GRIN2A: variants seen among roughly 807,000 people sequenced by gnomAD.
GRIN2A encodes glutamate receptor ionotropic, NMDA 2A.
Under a neutral mutation model 113.4 loss-of-function variants are expected in GRIN2A, and 22 were observed. That is an observed-to-expected ratio of 0.19 (90% CI 0.14 to 0.28). The LOEUF (loss-of-function observed/expected upper bound fraction) is 0.28. Ranked by LOEUF, GRIN2A falls within the 10% of genes least tolerant of loss-of-function variation. The probability of loss-of-function intolerance (pLI) is 1.00; values close to 1 mark genes in which losing one functional copy is unlikely to be tolerated. For synonymous variants in GRIN2A, 827 were observed against 738.4 expected (o/e 1.12, Z -1.94); for missense variants, 1,502 against 1,887.0 (o/e 0.80, Z 3.78).
intron 11 of GRIN2A, among the ~76,000 whole-genome samples, chr16:9,791,758 G>C (rs189933058): frequency 1.3e-5 from 2 of 151,792 alleles, no homozygotes; most frequent in Non-Finnish European, 2.9e-5. Context: ...GTCCCCTGCC[G>C]TCAAAAGCTA....
chr16:10,109,879 AC>A (rs539345482), intron 2 of GRIN2A, among the ~76,000 whole-genome samples: 265 of 147,990 alleles, frequency 1.8e-3, no homozygotes, highest in African/African-American at 6.1e-3. Flanking sequence ...CTATGTACCC[AC>A]AAAAAAAATA....
intron 2 of GRIN2A, among the ~76,000 whole-genome samples, chr16:10,148,344 C>T (rs1000974345): frequency 2.0e-5 from 3 of 152,138 alleles, no homozygotes; most frequent in Non-Finnish European, 4.4e-5. Flanking sequence ...AAAAGTATGA[C>T]CTAAGTTATC....
intron 10 of GRIN2A, among the ~76,000 whole-genome samples, chr16:9,804,618 C>G (rs1220436022): frequency 1.3e-5 from 2 of 152,000 alleles, no homozygotes; most frequent in African/African-American, 4.8e-5. Flanking sequence ...GTCCATGCCA[C>G]CTTTCTGCCT....
At chr16:9,804,734 G>C (rs1026046000) in intron 10 of GRIN2A, among the ~76,000 whole-genome samples, 6 of 152,086 alleles carry the variant, frequency 3.9e-5, no homozygotes, top group African/African-American at 1.4e-4. Context: ...AGCAGTGCTG[G>C]AGCTCAAAAG....
In GRIN2A at chr16:9,839,778, A is replaced by G. The variant is rs112960029; in HGVS notation, c.1651+869T>C. ...GTCAAGACCAGTATCTGAATATGTG[A>G]TCATATTTTTTTCAGCAGCTTTTTC... On this transcript the variant is annotated intron_variant, in intron 7 of 12. Coordinates refer to ENST00000330684, the MANE Select transcript of GRIN2A (RefSeq NM_001134407.3). 6.7e-3 allele frequency among the ~76,000 whole-genome samples: 1,020 copies of G among 152,312 alleles called. 12 individuals are homozygous for G. The highest frequency in any genetic ancestry group is 0.019 in the African/African-American group (789 of 41,570).
chr16:10,040,119 A>G (rs1177974203), intron 2 of GRIN2A, among the ~76,000 whole-genome samples: 2 of 114,636 alleles, frequency 1.7e-5, no homozygotes, highest in Non-Finnish European at 3.7e-5. Context: ...CACACCGCAC[A>G]CACTACACAC....
rs2141129394 is a variant in GRIN2A at position 9,763,734 on chromosome 16, G to C, written c.3810C>G (p.Asp1270Glu). ...PATGEQVYQQ[D>E]WAQNNALQLQ... ...ATTGAAGGGCATTGTTCTGTGCCCA[G>C]TCCTGCTGGTAGACCTGCTCCCCGG... Residue 1270 changes from aspartate (D) to glutamate (E), a missense_variant, in exon 13 of 13, where the codon GAC becomes GAG. Transcript: ENST00000330684. 1 of 1,614,144 alleles carries C rather than the reference G, an allele frequency of 6.2e-7. No individual in the cohort carries two copies. Among genetic ancestry groups the C allele is most frequent in the South Asian group, 1.1e-5 (1 of 91,082 alleles).
intron 11 of GRIN2A, among the ~76,000 whole-genome samples, chr16:9,779,686 T>A (rs1901826996): frequency 6.6e-6 from 1 of 152,030 alleles, no homozygotes; most frequent in African/African-American, 2.4e-5. Flanking sequence ...TAGAGGGTAA[T>A]AGGGTGGTGT....
At chr16:9,883,655 T>A (rs758021476) in intron 4 of GRIN2A, among the ~76,000 whole-genome samples, 5 of 152,130 alleles carry the variant, frequency 3.3e-5, no homozygotes, top group African/African-American at 9.7e-5. Flanking sequence ...AATAAACATA[T>A]CCGTGGGAGG....
chr16:9,896,132 C>G (rs11648462), intron 3 of GRIN2A, among the ~76,000 whole-genome samples: 39,629 of 151,790 alleles, frequency 0.26, 5,620 homozygotes, highest in African/African-American at 0.36. Flanking sequence ...TCACTGCAAC[C>G]TTCACCTCCC....
At chr16:9,896,427 T>C (rs936528685) in intron 3 of GRIN2A, among the ~76,000 whole-genome samples, 1 of 152,228 alleles carries the variant, frequency 6.6e-6, no homozygotes, top group Non-Finnish European at 1.5e-5. Flanking sequence ...AATCTCCTTC[T>C]TTAATTTCCC....
intron 4 of GRIN2A, among the ~76,000 whole-genome samples, chr16:9,857,518 A>C (rs1254120933): frequency 6.6e-6 from 1 of 152,222 alleles, no homozygotes; most frequent in African/African-American, 2.4e-5. Context: ...ATGTTCTCAG[A>C]CACAGAGTAG....
intron 11 of GRIN2A, among the ~76,000 whole-genome samples, chr16:9,779,295 A>G (rs1307090031): frequency 6.6e-6 from 1 of 152,242 alleles, no homozygotes; most frequent in Non-Finnish European, 1.5e-5. Flanking sequence ...TCAGTTCTAC[A>G]TGCCAAGAAA....
At chr16:9,911,563 G>A (rs548165004) in intron 3 of GRIN2A, among the ~76,000 whole-genome samples, 9 of 152,186 alleles carry the variant, frequency 5.9e-5, no homozygotes, top group East Asian at 3.9e-4. Flanking sequence ...AGAATTCATC[G>A]AGAGTCCTGA....
intron 2 of GRIN2A, among the ~76,000 whole-genome samples, chr16:10,067,851 T>C (rs967768919): frequency 3.3e-5 from 5 of 152,156 alleles, no homozygotes; most frequent in African/African-American, 7.2e-5. Flanking sequence ...GCAATGCGTA[T>C]TATATCCACC....
At chr16:10,152,050 G>A (rs1471868113) in intron 2 of GRIN2A, among the ~76,000 whole-genome samples, 2 of 152,182 alleles carry the variant, frequency 1.3e-5, no homozygotes, top group Admixed American at 6.5e-5. Context: ...CAGTGTGCCT[G>A]AAGGAGCCCA....
At chr16:9,800,785 G>A (rs1261824672) in intron 10 of GRIN2A, among the ~76,000 whole-genome samples, 1 of 152,106 alleles carries the variant, frequency 6.6e-6, no homozygotes, top group Non-Finnish European at 1.5e-5. Context: ...AACAGCGATG[G>A]TAACCTAGAG....
chr16:9,801,771 G>T (rs1357648579), intron 10 of GRIN2A, among the ~76,000 whole-genome samples: 1 of 152,316 alleles, frequency 6.6e-6, no homozygotes, highest in African/African-American at 2.4e-5. Context: ...TGGTGGTCAT[G>T]CTGTCAGAGG....
At chr16:9,916,194 G>A (rs945727052) in intron 3 of GRIN2A, among the ~76,000 whole-genome samples, 2 of 152,170 alleles carry the variant, frequency 1.3e-5, no homozygotes, top group African/African-American at 4.8e-5. Flanking sequence ...TTTTGTATAT[G>A]AGTCTAAAAC....
Sources: allele counts gnomAD v4.1 joint callset (sites outside exome capture counted in the v4.1 genomes callset), GRCh38; gene constraint gnomAD v4.1.1; transcripts MANE v1.5; gene names NCBI Gene and HGNC (gene_info 2026-07-23, HGNC 2026-07-21).